Variants in ACTR3C observed in about 807,000 individuals in gnomAD.
ACTR3C encodes actin related protein 3C.
In ACTR3C, 18 loss-of-function variants were observed where a neutral mutation model predicts 26.3. The observed-to-expected ratio is 0.68, with a 90% confidence interval of 0.47 to 1.01. The LOEUF (loss-of-function observed/expected upper bound fraction) is 1.01, where lower values mean the gene tolerates loss of function less well. ACTR3C is among the 50% of genes least tolerant of loss of function. The pLI, the probability that ACTR3C is intolerant of heterozygous loss-of-function variation, is 0.00. For synonymous variants in ACTR3C, 55 were observed against 94.5 expected (o/e 0.58, Z 2.42); for missense variants, 184 against 250.7 (o/e 0.73, Z 1.80).
chr7:150,112,646 C>T, the ACTR3C span, among the ~76,000 whole-genome samples: 2 of 152,318 alleles, frequency 1.3e-5, no homozygotes, highest in South Asian at 4.1e-4. Flanking sequence ...TCCCTCCCTC[C>T]TCCATCAAGG....
At chr7:150,145,188 A>G in the ACTR3C span, among the ~76,000 whole-genome samples, 1 of 152,180 alleles carries the variant, frequency 6.6e-6, no homozygotes, top group Non-Finnish European at 1.5e-5. Flanking sequence ...CTTGGGCATA[A>G]GCCAACCTGA....
At chr7:149,948,848 G>T in the ACTR3C span, among the ~76,000 whole-genome samples, 1 of 151,928 alleles carries the variant, frequency 6.6e-6, no homozygotes, top group Non-Finnish European at 1.5e-5. Context: ...ATGGAGTGCT[G>T]GTCTCGGACG....
the ACTR3C span, among the ~76,000 whole-genome samples, chr7:150,162,589 A>G: frequency 5.9e-5 from 9 of 152,308 alleles, no homozygotes; most frequent in South Asian, 1.9e-3. Context: ...TGCTGGGATT[A>G]CAGGCATGAG....
chr7:150,221,992 C>T, the ACTR3C span, among the ~76,000 whole-genome samples: 5 of 88,508 alleles, frequency 5.6e-5, no homozygotes, highest in South Asian at 4.7e-4. Flanking sequence ...AGAGAGACTC[C>T]GTCTCCAAAA....
At chr7:149,932,784 G>C in the ACTR3C span, among the ~76,000 whole-genome samples, 1 of 151,330 alleles carries the variant, frequency 6.6e-6, no homozygotes, top group African/African-American at 2.4e-5. Context: ...AAGACTCTTA[G>C]ACCATAGTCA....
intron 3 of ACTR3C, 143 bp downstream of exon 3, chr7:150,293,169 A>G: frequency 3.4e-6 from 5 of 1,473,482 alleles, no homozygotes; most frequent in Non-Finnish European, 4.6e-6. Context: ...AAAAATAAAA[A>G]ACTTTTATTA....
At chr7:150,054,046 A>G in the ACTR3C span, among the ~76,000 whole-genome samples, 5 of 152,246 alleles carry the variant, frequency 3.3e-5, no homozygotes, top group Admixed American at 2.6e-4. Context: ...ACTGTGAAAC[A>G]TAAGGAGGGA....
the ACTR3C span, among the ~76,000 whole-genome samples, chr7:149,906,412 C>CTTTT: frequency 5.0e-4 from 36 of 72,098 alleles, 4 homozygotes; most frequent in African/African-American, 1.0e-3. Context: ...GGGTTTGTTT[C>CTTTT]TTTTTTTTTT....
At chr7:149,963,483 A>G in the ACTR3C span, among the ~76,000 whole-genome samples, 1 of 152,188 alleles carries the variant, frequency 6.6e-6, no homozygotes, top group Non-Finnish European at 1.5e-5. Flanking sequence ...TTCCTCATTT[A>G]TCCCCTCTCT....
the ACTR3C span, among the ~76,000 whole-genome samples, chr7:150,042,057 C>T: frequency 1.0e-5 from 1 of 97,796 alleles, no homozygotes; most frequent in Non-Finnish European, 2.2e-5. Context: ...GGTCCTAAGC[C>T]AGGGGGGGAT....
chr7:150,066,741 G>C, the ACTR3C span, among the ~76,000 whole-genome samples: 8 of 152,208 alleles, frequency 5.3e-5, no homozygotes, highest in Admixed American at 5.2e-4. Flanking sequence ...CACGCGCTGT[G>C]TGATGCCTAT....
chr7:150,163,638 C>CT, the ACTR3C span, among the ~76,000 whole-genome samples: 1 of 151,978 alleles, frequency 6.6e-6, no homozygotes, highest in Non-Finnish European at 1.5e-5. Context: ...CATCTGCAGA[C>CT]TGAAGAGGCA....
chr7:149,948,986 CA>C, the ACTR3C span, among the ~76,000 whole-genome samples: 22 of 149,662 alleles, frequency 1.5e-4, no homozygotes, highest in Admixed American at 6.0e-4. Context: ...ATTTAAACAT[CA>C]AAACTATTTC....
the ACTR3C span, among the ~76,000 whole-genome samples, chr7:149,999,228 T>A: frequency 6.6e-5 from 10 of 150,936 alleles, 1 homozygote; most frequent in African/African-American, 2.2e-4. Flanking sequence ...ATAGTGATAA[T>A]CCTGTATTTT....
the ACTR3C span, among the ~76,000 whole-genome samples, chr7:150,105,107 G>A: frequency 2.0e-5 from 3 of 147,198 alleles, no homozygotes; most frequent in Non-Finnish European, 4.5e-5. Flanking sequence ...TTTTGAGATG[G>A]AGTCCCACTC....
the ACTR3C span, among the ~76,000 whole-genome samples, chr7:150,169,849 C>T: frequency 6.6e-6 from 1 of 150,758 alleles, no homozygotes; most frequent in Non-Finnish European, 1.5e-5. Flanking sequence ...ATTCCTCCTC[C>T]TTCTCCACAC....
At chr7:149,893,607 C>T in the ACTR3C span, among the ~76,000 whole-genome samples, 8 of 152,136 alleles carry the variant, frequency 5.3e-5, no homozygotes, top group Admixed American at 1.3e-4. Flanking sequence ...CTAAGCAGGC[C>T]GCTGGCTATC....
At chr7:149,983,431 G>GTA in the ACTR3C span, among the ~76,000 whole-genome samples, 3 of 12,820 alleles carry the variant, frequency 2.3e-4, no homozygotes, top group East Asian at 5.3e-3. Context: ...TGTGTGTGTT[G>GTA]TGTGTATGTG....
chr7:149,964,852 T>TA, the ACTR3C span, among the ~76,000 whole-genome samples: 1 of 152,016 alleles, frequency 6.6e-6, no homozygotes, highest in Non-Finnish European at 1.5e-5. Flanking sequence ...GGTAGAACAC[T>TA]AAGACCTAGA....
Sources: gnomAD v4.1 joint callset for allele counts (sites outside exome capture counted in the v4.1 genomes callset) on GRCh38, gnomAD v4.1.1 for gene constraint, MANE v1.5 for transcripts, NCBI Gene and HGNC (gene_info 2026-07-23, HGNC 2026-07-21) for gene names.